LRP1B: variants seen among roughly 807,000 people sequenced by gnomAD.
LRP1B encodes the protein low-density lipoprotein receptor-related protein 1B.
LRP1B carries 217 observed loss-of-function variants against 556.6 expected under a neutral mutation model. The observed-to-expected ratio is 0.39, with a 90% CI of 0.35 to 0.44. The LOEUF is 0.44. Among genes scored for constraint, LRP1B ranks in the 20% least tolerant of loss-of-function variants. LRP1B has a pLI of 1.00. For missense variants in LRP1B, 5,053 were observed against 5,620.8 expected (o/e 0.90, Z 3.23); for synonymous variants, 2,047 against 1,865.8 (o/e 1.10, Z -2.50).
chr2:141,257,210 A>G (rs1684500292), intron 3 of LRP1B, among the ~76,000 whole-genome samples: 1 of 152,086 alleles, frequency 6.6e-6, no homozygotes, highest in Non-Finnish European at 1.5e-5. Context: ...GACAAAGGTG[A>G]ATGTAATTAG....
At chr2:141,693,360 C>T (rs75028263) in intron 2 of LRP1B, among the ~76,000 whole-genome samples, 7,754 of 151,886 alleles carry the variant, frequency 0.051, 268 homozygotes, top group Middle Eastern at 0.078. Context: ...TGGGCATCTC[C>T]GGGAGTAAGA....
chr2:141,175,634 A>G (rs1680699861), intron 7 of LRP1B, among the ~76,000 whole-genome samples: 1 of 152,152 alleles, frequency 6.6e-6, no homozygotes, highest in African/African-American at 2.4e-5. Flanking sequence ...TGGAGCCCTC[A>G]TGGAGAACCT....
At chr2:140,507,102 G>A (rs1049380593) in intron 52 of LRP1B, among the ~76,000 whole-genome samples, 184 bp from the exon 53 acceptor site, 2 of 152,092 alleles carry the variant, frequency 1.3e-5, no homozygotes, top group Non-Finnish European at 2.9e-5. Flanking sequence ...ATATTAGAAT[G>A]TCTGAATATA....
chr2:140,447,445 G>A (rs763040805), intron 63 of LRP1B, among the ~76,000 whole-genome samples: 3 of 151,572 alleles, frequency 2.0e-5, no homozygotes, highest in Non-Finnish European at 4.4e-5. Flanking sequence ...ACACTATACT[G>A]TAGTCTATTA....
At chr2:141,250,381 T>G (rs560635253) in intron 4 of LRP1B, among the ~76,000 whole-genome samples, 1 of 152,046 alleles carries the variant, frequency 6.6e-6, no homozygotes, top group African/African-American at 2.4e-5. Flanking sequence ...GGACTGGGGG[T>G]TGGGCTAAAA....
intron 8 of LRP1B, 152 bp downstream of exon 8, chr2:141,061,899 T>C: frequency 1.6e-6 from 1 of 630,068 alleles, no homozygotes; most frequent in South Asian, 2.0e-5. Context: ...AATATCACTG[T>C]GAAAAGAACA....
At chr2:141,463,069 C>T (rs1211177612) in intron 3 of LRP1B, among the ~76,000 whole-genome samples, 1 of 152,134 alleles carries the variant, frequency 6.6e-6, no homozygotes. Context: ...TTGGATGACC[C>T]TTTGTTTAAT....
At chr2:141,542,727 A>C (rs908074551) in intron 2 of LRP1B, among the ~76,000 whole-genome samples, 4 of 152,038 alleles carry the variant, frequency 2.6e-5, no homozygotes, top group African/African-American at 4.8e-5. Flanking sequence ...ACATTTTCAA[A>C]CTCTGCTCTC....
chr2:141,636,950 T>C (rs1448431109), intron 2 of LRP1B, among the ~76,000 whole-genome samples: 1 of 152,086 alleles, frequency 6.6e-6, no homozygotes, highest in Non-Finnish European at 1.5e-5. Flanking sequence ...TTCCAAACTA[T>C]TGAAAATGGT....
chr2:141,225,717 C>T (rs1258123817), intron 6 of LRP1B, among the ~76,000 whole-genome samples: 1 of 151,984 alleles, frequency 6.6e-6, no homozygotes, highest in Non-Finnish European at 1.5e-5. Flanking sequence ...CTATCATTTC[C>T]CCCCAAGGTT....
At chr2:141,967,341 C>G (rs182071402) in intron 1 of LRP1B, among the ~76,000 whole-genome samples, 96 of 151,940 alleles carry the variant, frequency 6.3e-4, no homozygotes, top group Non-Finnish European at 1.1e-3. Flanking sequence ...GCTATAATGA[C>G]ATGGATTAAT....
intron 6 of LRP1B, among the ~76,000 whole-genome samples, chr2:141,217,905 C>T (rs1225791003): frequency 6.6e-6 from 1 of 151,944 alleles, no homozygotes; most frequent in Non-Finnish European, 1.5e-5. Context: ...ATAAAAACTC[C>T]ATTAAAAAGT....
chr2:140,319,116 T>G (rs1024720586), intron 82 of LRP1B, among the ~76,000 whole-genome samples: 4 of 151,990 alleles, frequency 2.6e-5, no homozygotes, highest in Admixed American at 6.6e-5. Flanking sequence ...ATTCATAGAG[T>G]TTAGTTTTGG....
chr2:141,815,598 A>G (rs1338385678), intron 1 of LRP1B, among the ~76,000 whole-genome samples: 1 of 152,198 alleles, frequency 6.6e-6, no homozygotes, highest in African/African-American at 2.4e-5. Flanking sequence ...AAAATGCACC[A>G]ATCAGCAGGA....
chr2:140,356,312 T>C, intron 75 of LRP1B, 30 bp downstream of exon 75: 2 of 1,606,710 alleles, frequency 1.2e-6, no homozygotes, highest in Non-Finnish European at 1.7e-6. Flanking sequence ...CAAAGATTTA[T>C]GAGCAAACTG....
chr2:140,708,238 T>C (rs1279936519), intron 37 of LRP1B, among the ~76,000 whole-genome samples: 1 of 152,020 alleles, frequency 6.6e-6, no homozygotes, highest in African/African-American at 2.4e-5. Flanking sequence ...GTCTTTCCTG[T>C]AAACAACTTC....
chr2:141,327,237 A>G (rs1342036890), intron 3 of LRP1B, among the ~76,000 whole-genome samples: 1 of 152,182 alleles, frequency 6.6e-6, no homozygotes, highest in African/African-American at 2.4e-5. Flanking sequence ...AGTTACCTGA[A>G]GGACATATGG....
chr2:140,494,497 TG>T (rs1387654375), intron 56 of LRP1B, among the ~76,000 whole-genome samples: 1 of 150,186 alleles, frequency 6.7e-6, no homozygotes, highest in Non-Finnish European at 1.5e-5. Context: ...CTCAGCTACT[TG>T]GGAGGCTGAG....
chr2:141,842,610 G>C (rs1697512468), intron 1 of LRP1B, among the ~76,000 whole-genome samples: 1 of 152,002 alleles, frequency 6.6e-6, no homozygotes, highest in Non-Finnish European at 1.5e-5. Context: ...TTAGCTACTT[G>C]TTCATCTTCA....
Sources: allele counts gnomAD v4.1 joint callset (sites outside exome capture counted in the v4.1 genomes callset), GRCh38; gene constraint gnomAD v4.1.1; transcripts MANE v1.5; gene names NCBI Gene and HGNC (gene_info 2026-07-23, HGNC 2026-07-21).